TASP1: variants seen among roughly 807,000 people sequenced by gnomAD.
The protein encoded by TASP1 is threonine aspartase 1.
In TASP1, 16 loss-of-function variants were observed where a neutral mutation model predicts 56.6. That is an observed-to-expected ratio of 0.28 (90% CI 0.19 to 0.43). The LOEUF is 0.43. TASP1 is among the 20% of genes least tolerant of loss of function. The pLI, the probability that TASP1 is intolerant of heterozygous loss-of-function variation, is 1.00. For synonymous variants in TASP1, 179 were observed against 184.2 expected, an observed-to-expected ratio of 0.97 and a Z score of 0.23; for missense variants, 393 against 511.6, an observed-to-expected ratio of 0.77 and a Z score of 2.24.
the TASP1 span, among the ~76,000 whole-genome samples, chr20:13,320,808 G>A: frequency 6.6e-6 from 1 of 152,108 alleles, no homozygotes; most frequent in East Asian, 1.9e-4. Flanking sequence ...GAGTGGGAAA[G>A]GGCTTCCCAG....
chr20:13,321,503 T>TA, the TASP1 span, among the ~76,000 whole-genome samples: 1 of 152,144 alleles, frequency 6.6e-6, no homozygotes, highest in Non-Finnish European at 1.5e-5. Flanking sequence ...CAGAAGCATC[T>TA]AAAACCCTCA....
chr20:13,507,248 T>C (rs189898877), intron 10 of TASP1, among the ~76,000 whole-genome samples: 13 of 152,196 alleles, frequency 8.5e-5, no homozygotes, highest in East Asian at 3.9e-4. Context: ...CTATAAAACA[T>C]TGGGCTAGGA....
At chr20:13,469,041 A>G (rs1169937799) in intron 11 of TASP1, among the ~76,000 whole-genome samples, 1 of 152,146 alleles carries the variant, frequency 6.6e-6, no homozygotes, top group Non-Finnish European at 1.5e-5. Flanking sequence ...CAAACTGGCC[A>G]CTTTTTAAAA....
chr20:13,110,607 G>A, the TASP1 span, among the ~76,000 whole-genome samples: 1 of 152,132 alleles, frequency 6.6e-6, no homozygotes, highest in East Asian at 1.9e-4. Flanking sequence ...TGGCCCGGAT[G>A]CCCCTACCTG....
chr20:13,195,949 G>A, the TASP1 span, among the ~76,000 whole-genome samples: 3 of 152,026 alleles, frequency 2.0e-5, no homozygotes, highest in Non-Finnish European at 2.9e-5. Flanking sequence ...TAAAACACAC[G>A]CAATGATACC....
chr20:13,531,518 A>T (rs1329789048), intron 9 of TASP1, among the ~76,000 whole-genome samples: 1 of 149,304 alleles, frequency 6.7e-6, no homozygotes, highest in Non-Finnish European at 1.5e-5. Context: ...TTTGAGACAG[A>T]ATCTTGCTCT....
the TASP1 span, among the ~76,000 whole-genome samples, chr20:13,215,534 A>G: frequency 1.3e-5 from 2 of 152,232 alleles, no homozygotes; most frequent in African/African-American, 4.8e-5. Context: ...CTGGAGGAGC[A>G]GGTCATTATG....
At chr20:13,319,354 T>C in the TASP1 span, among the ~76,000 whole-genome samples, 2 of 152,138 alleles carry the variant, frequency 1.3e-5, no homozygotes, top group Non-Finnish European at 2.9e-5. Context: ...GTATTTCTAC[T>C]GCTAATCAGA....
At chr20:13,265,470 A>T in the TASP1 span, among the ~76,000 whole-genome samples, 1 of 152,022 alleles carries the variant, frequency 6.6e-6, no homozygotes, top group Non-Finnish European at 1.5e-5. Flanking sequence ...AAATTCTCTG[A>T]TCTGTGAGCA....
chr20:13,178,109 C>T, the TASP1 span, among the ~76,000 whole-genome samples: 1 of 151,862 alleles, frequency 6.6e-6, no homozygotes, highest in African/African-American at 2.4e-5. Context: ...GCAGACATTT[C>T]TCAAAAGACA....
chr20:13,164,948 C>A, the TASP1 span: 1 of 1,201,392 alleles, frequency 8.3e-7, no homozygotes, highest in Non-Finnish European at 1.2e-6. Flanking sequence ...AAATGGATTT[C>A]TCCCCCTTCC....
chr20:13,200,360 C>A, the TASP1 span, among the ~76,000 whole-genome samples: 1 of 152,202 alleles, frequency 6.6e-6, no homozygotes, highest in Admixed American at 6.5e-5. Flanking sequence ...AGAGAACCTG[C>A]AAAGGGTGTC....
chr20:13,413,376 T>A (rs1290806005), intron 13 of TASP1, among the ~76,000 whole-genome samples: 1 of 147,378 alleles, frequency 6.8e-6, no homozygotes, highest in African/African-American at 2.5e-5. Context: ...GTTGAGTAAA[T>A]TTTTTTTTTT....
At chr20:13,563,667 CTTT>C (rs75277729) in intron 7 of TASP1, among the ~76,000 whole-genome samples, 7 of 137,712 alleles carry the variant, frequency 5.1e-5, no homozygotes, top group Admixed American at 7.3e-5. Context: ...GCCATATGAT[CTTT>C]TTTTTTTTTT....
At chr20:13,311,057 G>T in the TASP1 span, among the ~76,000 whole-genome samples, 4 of 152,142 alleles carry the variant, frequency 2.6e-5, no homozygotes, top group African/African-American at 9.7e-5. Context: ...AGCTGGGCAT[G>T]GTGGCGGGTG....
At chr20:13,250,501 C>G in the TASP1 span, among the ~76,000 whole-genome samples, 1 of 152,164 alleles carries the variant, frequency 6.6e-6, no homozygotes, top group Admixed American at 6.5e-5. Flanking sequence ...CATGGCAACA[C>G]AGTTAAGCAT....
intron 6 of TASP1, among the ~76,000 whole-genome samples, chr20:13,575,379 G>A (rs2046865213): frequency 3.3e-5 from 5 of 152,176 alleles, no homozygotes; most frequent in Admixed American, 3.3e-4. Flanking sequence ...GACCCAGTGG[G>A]ATATAACTGA....
the TASP1 span, chr20:13,299,611 G>A: frequency 7.9e-6 from 6 of 762,090 alleles, no homozygotes; most frequent in African/African-American, 1.7e-5. The surrounding 1 kb of genome is among the most constrained non-coding windows in gnomAD (Gnocchi z 5.8). Context: ...CGCTAGGGGC[G>A]TGTGCCACGC....
the TASP1 span, among the ~76,000 whole-genome samples, chr20:13,181,645 G>A: frequency 6.6e-6 from 1 of 152,100 alleles, no homozygotes; most frequent in African/African-American, 2.4e-5. Context: ...ACGTGATGAC[G>A]ATGAGACATA....
Sources: gnomAD v4.1 joint callset for allele counts (sites outside exome capture counted in the v4.1 genomes callset) on GRCh38, gnomAD v4.1.1 for gene constraint, Gnocchi (gnomAD v3.1) non-coding constraint, MANE v1.5 for transcripts, NCBI Gene and HGNC (gene_info 2026-07-23, HGNC 2026-07-21) for gene names.